ARHGAP22: variants seen among roughly 807,000 people sequenced by gnomAD.
The protein encoded by ARHGAP22 is Rho GTPase activating protein 22.
ARHGAP22 carries 48 observed loss-of-function variants against 59.1 expected under a neutral mutation model. The ratio of observed to expected loss-of-function variants is 0.81; its 90% CI spans 0.64 to 1.03. ARHGAP22 has a LOEUF of 1.03. ARHGAP22 is among the 50% of genes least tolerant of loss of function. The probability of loss-of-function intolerance (pLI) is 0.00; values close to 1 mark genes in which losing one functional copy is unlikely to be tolerated. For missense variants in ARHGAP22, 1,015 were observed against 958.7 expected (o/e 1.06, Z -0.78); for synonymous variants, 445 against 416.4 (o/e 1.07, Z -0.84).
chr10:48,492,003 T>G (rs2050445572), intron 3 of ARHGAP22, among the ~76,000 whole-genome samples: 1 of 152,196 alleles, frequency 6.6e-6, no homozygotes, highest in South Asian at 2.1e-4. Flanking sequence ...TCTGAGCTCC[T>G]GAACTTAAGG....
intron 1 of ARHGAP22, among the ~76,000 whole-genome samples, chr10:48,586,349 C>T (rs144994752): frequency 1.2e-4 from 19 of 152,286 alleles, no homozygotes; most frequent in South Asian, 2.1e-4. Context: ...AACACCTCAC[C>T]CAGCAGGGCA....
intron 3 of ARHGAP22, among the ~76,000 whole-genome samples, chr10:48,524,746 G>A (rs982181983): frequency 6.6e-6 from 1 of 152,140 alleles, no homozygotes; most frequent in Non-Finnish European, 1.5e-5. Flanking sequence ...CAAACCTGGC[G>A]GGCTACTTAT....
chr10:48,433,591 G>C, the ARHGAP22 span, among the ~76,000 whole-genome samples: 2 of 152,028 alleles, frequency 1.3e-5, no homozygotes, highest in African/African-American at 2.4e-5. Context: ...TTTCTCTTCC[G>C]TTTCAGCTCC....
chr10:48,591,703 A>G (rs1046460645), intron 1 of ARHGAP22, among the ~76,000 whole-genome samples: 3 of 152,114 alleles, frequency 2.0e-5, no homozygotes, highest in Admixed American at 1.3e-4. Context: ...GCGAAACCTC[A>G]TATCTACAAA....
chr10:48,480,153 A>T (rs2049153441), intron 3 of ARHGAP22, among the ~76,000 whole-genome samples: 2 of 152,204 alleles, frequency 1.3e-5, no homozygotes, highest in African/African-American at 4.8e-5. Flanking sequence ...GTTAAACGTC[A>T]CTATGTGCTT....
rs776407091 is a variant in ARHGAP22, at chr10:48,583,161, C to T, written c.35-9G>A. On this transcript the variant is annotated splice_polypyrimidine_tract_variant and intron_variant, in intron 1 of 9. Coordinates refer to ENST00000249601, the MANE Select transcript of ARHGAP22 (RefSeq NM_021226.4). Reference sequence around the variant, plus strand: ...TAGGCTTTTGGAGCGGGCTGAAAGCCAAGGACACACAGAGTGAGCATGAAG... The same window carrying T: ...TAGGCTTTTGGAGCGGGCTGAAAGCTAAGGACACACAGAGTGAGCATGAAG... 4.1e-5 allele frequency: 66 copies of T among 1,612,436 alleles called. No homozygotes were observed. Among genetic ancestry groups the T allele is most frequent in the Non-Finnish European group, 5.4e-5 (64 of 1,179,336 alleles).
At chr10:48,634,131 G>A (rs2061724156) in intron 1 of ARHGAP22, among the ~76,000 whole-genome samples, 2 of 152,168 alleles carry the variant, frequency 1.3e-5, no homozygotes, top group African/African-American at 4.8e-5. Flanking sequence ...AGCTGAATGG[G>A]TACTTTCAGA....
At chr10:48,518,969 T>C (rs2053556842) in intron 3 of ARHGAP22, among the ~76,000 whole-genome samples, 1 of 152,128 alleles carries the variant, frequency 6.6e-6, no homozygotes, top group Non-Finnish European at 1.5e-5. Context: ...CCAGGAGACA[T>C]CCAATGGAGG....
chr10:48,459,735 A>G lies in ARHGAP22; in HGVS notation c.608T>C (p.Val203Ala). 1.9e-6 allele frequency: 3 copies of G among 1,614,116 alleles called. No homozygotes were observed. Among genetic ancestry groups the G allele is most frequent in the Non-Finnish European group, 2.5e-6 (3 of 1,180,030 alleles). Residue 203 changes from valine to alanine, a missense_variant, in exon 5 of 10, where the codon GTG becomes GCG. Coordinates refer to ENST00000249601, the MANE Select transcript of ARHGAP22 (RefSeq NM_021226.4). ...LFRMPGQANL[V>A]RDLQDSFDCG... is the part of the protein sequence containing the mutation. The stretch of plus-strand genomic sequence containing the variant: ...GTCGAAGGAATCCTGCAGGTCCCTC[A>G]CCAGGTTGGCCTGGCCTGGCATGCG...
intron 9 of ARHGAP22, among the ~76,000 whole-genome samples, chr10:48,448,571 G>C (rs1032327286): frequency 6.6e-6 from 1 of 151,928 alleles, no homozygotes; most frequent in Admixed American, 6.6e-5. Context: ...CAGAGTCCTG[G>C]GAGCCAGGAC....
intron 6 of ARHGAP22, 126 bp downstream of exon 6, chr10:48,454,876 C>A: frequency 9.2e-7 from 1 of 1,084,982 alleles, no homozygotes; most frequent in South Asian, 2.3e-5. Context: ...ACACCCCCAA[C>A]ACAGCAGGCC....
At chr10:48,482,310 G>A (rs1489984563) in intron 3 of ARHGAP22, among the ~76,000 whole-genome samples, 1 of 152,190 alleles carries the variant, frequency 6.6e-6, no homozygotes, top group East Asian at 1.9e-4. Flanking sequence ...TCATTCTTTT[G>A]CATATGCACA....
chr10:48,565,452 G>T (rs2057991066), intron 2 of ARHGAP22, among the ~76,000 whole-genome samples: 1 of 152,188 alleles, frequency 6.6e-6, no homozygotes, highest in African/African-American at 2.4e-5. Flanking sequence ...CAATGTGGAG[G>T]TGTTTTGAGG....
chr10:48,529,403 GAAGTGACTCTGGACC>G, intron 3 of ARHGAP22, among the ~76,000 whole-genome samples: 1 of 152,180 alleles, frequency 6.6e-6, no homozygotes, highest in Non-Finnish European at 1.5e-5. Flanking sequence ...GAAGGTAGCA[GAAGTGACTCTGGACC>G]AATTCTGGGT....
At chr10:48,448,548 G>A (rs1400295910) in intron 9 of ARHGAP22, among the ~76,000 whole-genome samples, 1 of 152,170 alleles carries the variant, frequency 6.6e-6, no homozygotes, top group Non-Finnish European at 1.5e-5. Flanking sequence ...GGGCCCTGGG[G>A]AGGGGCTCTG....
rs182044666 is a variant in ARHGAP22 at position 48,595,283 on chromosome 10, A to T, written c.34+9480T>A. ...CAGAGCTGAATTGATTTAAAGGGTAAGTATTGAGCCAAAAGATTGATTGAG... is the reference window on the plus strand; with the variant it reads ...CAGAGCTGAATTGATTTAAAGGGTATGTATTGAGCCAAAAGATTGATTGAG... On this transcript the variant is annotated intron_variant, in intron 1 of 9. Coordinates refer to ENST00000249601, the MANE Select transcript of ARHGAP22 (RefSeq NM_021226.4). Among the ~76,000 whole-genome samples, 27 of 152,348 alleles carry T rather than the reference A, an allele frequency of 1.8e-4. 1 individual carries two copies. Among genetic ancestry groups the T allele is most frequent in the Admixed American group, 1.2e-3 (19 of 15,308 alleles).
intron 2 of ARHGAP22, among the ~76,000 whole-genome samples, chr10:48,570,306 C>A (rs1273644749): frequency 1.3e-5 from 2 of 152,164 alleles, no homozygotes; most frequent in African/African-American, 4.8e-5. Flanking sequence ...TTTATGACTC[C>A]AATGAGTAAT....
At chr10:48,475,826 C>T (rs1166655565) in intron 4 of ARHGAP22, among the ~76,000 whole-genome samples, 1 of 152,190 alleles carries the variant, frequency 6.6e-6, no homozygotes, top group Non-Finnish European at 1.5e-5. Context: ...TTCTCTATTC[C>T]ATGCCATGAG....
chr10:48,443,461 T>C (rs2045249973), downstream of ARHGAP22, among the ~76,000 whole-genome samples: 1 of 152,236 alleles, frequency 6.6e-6, no homozygotes, highest in East Asian at 1.9e-4. Context: ...TGCTCAAGTG[T>C]TGCGGGGCTT....
Sources: allele counts gnomAD v4.1 joint callset (sites outside exome capture counted in the v4.1 genomes callset), GRCh38; gene constraint gnomAD v4.1.1; transcripts MANE v1.5; gene names NCBI Gene and HGNC (gene_info 2026-07-23, HGNC 2026-07-21).